The following CHST8 variants were observed in gnomAD, a reference collection of about 807,000 sequenced individuals.
The protein encoded by CHST8 is GALNAC-4-ST1.
A neutral mutation model predicts 15.0 loss-of-function variants in CHST8; 10 were observed. That is an observed-to-expected ratio of 0.67 (90% CI 0.41 to 1.13). CHST8 has a LOEUF of 1.13. CHST8 is among the 50% of genes most tolerant of loss of function. The pLI, the probability that CHST8 is intolerant of heterozygous loss-of-function variation, is 0.00. For synonymous variants in CHST8, 259 were observed against 256.6 expected (o/e 1.01, Z -0.09); for missense variants, 634 against 608.2 (o/e 1.04, Z -0.45).
chr19:33,733,800 T>C (rs1974035111), intron 3 of CHST8, among the ~76,000 whole-genome samples: 1 of 152,162 alleles, frequency 6.6e-6, no homozygotes, highest in African/African-American at 2.4e-5. Flanking sequence ...ACTTCCTACA[T>C]AGGAGCCACT....
chr19:33,694,449 G>T (rs562874948), intron 3 of CHST8, among the ~76,000 whole-genome samples: 95 of 151,798 alleles, frequency 6.3e-4, no homozygotes, highest in African/African-American at 2.1e-3. Flanking sequence ...CAGACAATGG[G>T]ATTGGACAGC....
intron 1 of CHST8, among the ~76,000 whole-genome samples, chr19:33,633,020 G>A (rs1025380944): frequency 5.3e-5 from 8 of 151,828 alleles, no homozygotes; most frequent in Admixed American, 3.3e-4. Flanking sequence ...TAGTAGAGAC[G>A]GGGTTTCACC....
chr19:33,753,461 TCCTCCCACCACCCACC>T (rs1204119337), intron 3 of CHST8, among the ~76,000 whole-genome samples: 2 of 53,012 alleles, frequency 3.8e-5, no homozygotes, highest in Non-Finnish European at 6.9e-5. Context: ...CCACCCACCA[TCCTCCCACCACCCACC>T]CACCATCCTC....
intron 3 of CHST8, among the ~76,000 whole-genome samples, chr19:33,748,251 T>TCCA (rs977836957): frequency 1.3e-5 from 2 of 152,198 alleles, no homozygotes; most frequent in African/African-American, 4.8e-5. Context: ...TCAGGGACCC[T>TCCA]CCACATCCCC....
chr19:33,711,806 A>T (rs1568338435), intron 3 of CHST8, among the ~76,000 whole-genome samples: 1 of 151,372 alleles, frequency 6.6e-6, no homozygotes, highest in Non-Finnish European at 1.5e-5. Context: ...TAATTTTTGT[A>T]TTTTTTAGTA....
intron 3 of CHST8, among the ~76,000 whole-genome samples, chr19:33,765,561 G>GTGTGTGTGTGTGTC (rs1280901510): frequency 7.5e-4 from 104 of 138,208 alleles, no homozygotes; most frequent in South Asian, 1.7e-3. Context: ...GTGTCAGAGA[G>GTGTGTGTGTGTGTC]AGAGAGAGAG....
In CHST8 at chr19:33,684,263, G is replaced by T. The variant is rs771574911; in HGVS notation, c.-86-4913G>T. ...TCTCCCCGCTGCAGAGCATGGGGCT[G>T]GGGGGGAGTGGAGAGAACCCTGCCT... On this transcript the variant is annotated intron_variant, in intron 2 of 4. Transcript: ENST00000650847. Among the ~76,000 whole-genome samples the T allele has an allele frequency of 3.1e-4, 47 of 152,164 alleles. No homozygotes were observed. The Middle Eastern group carries it at 0.01, about 33-fold the overall frequency.
chr19:33,697,239 T>A (rs1480714189), intron 3 of CHST8, among the ~76,000 whole-genome samples: 1 of 152,158 alleles, frequency 6.6e-6, no homozygotes, highest in Non-Finnish European at 1.5e-5. Flanking sequence ...TTTTATTTAT[T>A]TATTTTTTGA....
chr19:33,698,301 A>G (rs1051321016), intron 3 of CHST8, among the ~76,000 whole-genome samples: 1 of 151,854 alleles, frequency 6.6e-6, no homozygotes, highest in Non-Finnish European at 1.5e-5. Context: ...AGCTGAGATC[A>G]CGGCAACTAC....
intron 3 of CHST8, among the ~76,000 whole-genome samples, chr19:33,693,157 C>T (rs1287587421): frequency 6.6e-6 from 1 of 151,992 alleles, no homozygotes; most frequent in East Asian, 1.9e-4. Context: ...CAGGCATGCA[C>T]CACCACCCCT....
chr19:33,626,360 C>T (rs543336169), intron 1 of CHST8, among the ~76,000 whole-genome samples: 2 of 151,818 alleles, frequency 1.3e-5, no homozygotes, highest in African/African-American at 4.8e-5. Context: ...AGCCTCCGTG[C>T]AGGTGGGTTG....
At chr19:33,756,293 G>A (rs1177955172) in intron 3 of CHST8, among the ~76,000 whole-genome samples, 2 of 152,202 alleles carry the variant, frequency 1.3e-5, no homozygotes, top group Admixed American at 6.5e-5. Flanking sequence ...AGGCGGTGAC[G>A]TGGGCCTGTT....
At chr19:33,689,862 C>A (rs1409337916) in intron 3 of CHST8, among the ~76,000 whole-genome samples, 1 of 152,156 alleles carries the variant, frequency 6.6e-6, no homozygotes, top group Non-Finnish European at 1.5e-5. Flanking sequence ...TTTAGTGAGG[C>A]CAAGACCCCC....
intron 3 of CHST8, among the ~76,000 whole-genome samples, chr19:33,762,653 C>G (rs1974758763): frequency 6.6e-6 from 1 of 152,244 alleles, no homozygotes; most frequent in African/African-American, 2.4e-5. Flanking sequence ...GATCAGCATG[C>G]CAGGAGCAGC....
chr19:33,622,857 G>A (rs1972003302), intron 1 of CHST8, among the ~76,000 whole-genome samples: 1 of 152,050 alleles, frequency 6.6e-6, no homozygotes, highest in African/African-American at 2.4e-5. Flanking sequence ...TGCTGGAGGC[G>A]AGTGTGCGTG....
chr19:33,762,262 A>G (rs544228834), intron 3 of CHST8, among the ~76,000 whole-genome samples: 1 of 152,012 alleles, frequency 6.6e-6, no homozygotes, highest in Admixed American at 6.5e-5. Context: ...CCAGCTCAGG[A>G]CTCCCCTTCC....
At chr19:33,758,041 T>G (rs1976234097) in intron 3 of CHST8, among the ~76,000 whole-genome samples, 1 of 149,356 alleles carries the variant, frequency 6.7e-6, no homozygotes, top group African/African-American at 2.5e-5. Context: ...AGAGCCGGAC[T>G]GACGGCCAGA....
At chr19:33,739,636 C>T (rs1974149879) in intron 3 of CHST8, among the ~76,000 whole-genome samples, 1 of 152,188 alleles carries the variant, frequency 6.6e-6, no homozygotes, top group Admixed American at 6.5e-5. Flanking sequence ...ACTGGATCTG[C>T]TTGTGTGTTG....
At chr19:33,677,859 T>C (rs1240199848) in intron 2 of CHST8, among the ~76,000 whole-genome samples, 2 of 151,954 alleles carry the variant, frequency 1.3e-5, no homozygotes, top group African/African-American at 2.4e-5. Context: ...GCACGGGAGG[T>C]TGGCAGAGGC....
Sources: gnomAD v4.1 joint callset for allele counts (sites outside exome capture counted in the v4.1 genomes callset) on GRCh38, gnomAD v4.1.1 for gene constraint, MANE v1.5 for transcripts, NCBI Gene and HGNC (gene_info 2026-07-23, HGNC 2026-07-21) for gene names.